TTC28: variants seen among roughly 807,000 people sequenced by gnomAD.
TTC28 encodes tetratricopeptide repeat domain 28, also known as tetratricopeptide repeat protein 28.
In TTC28, 61 loss-of-function variants were observed where a neutral mutation model predicts 198.0. That is an observed-to-expected ratio of 0.31 (90% CI 0.25 to 0.38). The LOEUF (loss-of-function observed/expected upper bound fraction) is 0.38, where lower values mean the gene tolerates loss of function less well. Among genes scored for constraint, TTC28 ranks in the 10% least tolerant of loss-of-function variants. The pLI is 1.00. For synonymous variants in TTC28, 1,171 were observed against 1,297.8 expected (o/e 0.90, Z 2.10); for missense variants, 2,678 against 3,164.0 (o/e 0.85, Z 3.69).
At chr22:28,155,111 T>C (rs917941269) in intron 6 of TTC28, among the ~76,000 whole-genome samples, 1 of 152,218 alleles carries the variant, frequency 6.6e-6, no homozygotes, top group South Asian at 2.1e-4. Flanking sequence ...ATCTCATAGA[T>C]GTTATTAGGA....
intron 5 of TTC28, among the ~76,000 whole-genome samples, chr22:28,184,703 T>C (rs939414781): frequency 6.6e-6 from 1 of 152,158 alleles, no homozygotes; most frequent in Admixed American, 6.5e-5. Flanking sequence ...TAATTACAAG[T>C]ATGATCAAAT....
intron 2 of TTC28, among the ~76,000 whole-genome samples, chr22:28,396,671 A>T (rs1347742803): frequency 6.6e-6 from 1 of 152,196 alleles, no homozygotes; most frequent in Non-Finnish European, 1.5e-5. Context: ...ATGCCAAGTA[A>T]ATGCTGTTTT....
In TTC28 at chr22:27,980,880, G is replaced by A. The variant is rs982368810; in HGVS notation, c.*1341C>T. 10 of 152,266 alleles carry A rather than the reference G, an allele frequency of 6.6e-5. No individual in the cohort carries two copies. Among genetic ancestry groups the A allele is most frequent in the African/African-American group, 2.2e-4 (9 of 41,460 alleles). 9.4% of individuals were successfully genotyped at this position (152,266 alleles called of 1,614,324 possible). On this transcript the variant is annotated 3_prime_UTR_variant, in exon 23 of 23. Transcript: ENST00000397906. ...AGTTACCGTCAGAGCTGTAGGAGAA[G>A]TCCACCTCCACTTTTTAAGATACAT...
chr22:28,585,011 AAAG>A (rs567386615), intron 2 of TTC28, among the ~76,000 whole-genome samples: 39 of 152,314 alleles, frequency 2.6e-4, no homozygotes, highest in South Asian at 1.2e-3. Context: ...CTGAAGAAAG[AAAG>A]AAAGGAAGTG....
At chr22:28,162,145 T>C (rs912917155) in intron 6 of TTC28, among the ~76,000 whole-genome samples, 1 of 152,240 alleles carries the variant, frequency 6.6e-6, no homozygotes, top group East Asian at 1.9e-4. Context: ...TAAGATAATA[T>C]CTTCTAAAAA....
intron 2 of TTC28, among the ~76,000 whole-genome samples, chr22:28,561,130 G>C (rs1394816306): frequency 7.4e-6 from 1 of 134,732 alleles, no homozygotes; most frequent in Non-Finnish European, 1.5e-5. Context: ...CTGGAGTGCA[G>C]TGGCGCAATC....
At chr22:28,371,581 C>CA (rs147727536) in intron 2 of TTC28, among the ~76,000 whole-genome samples, 9 of 32,720 alleles carry the variant, frequency 2.8e-4, no homozygotes, top group African/African-American at 5.9e-4. Flanking sequence ...TCATCTTAAC[C>CA]AAAAAAAAAA....
At chr22:28,406,888 T>C (rs2047005183) in intron 2 of TTC28, among the ~76,000 whole-genome samples, 1 of 152,194 alleles carries the variant, frequency 6.6e-6, no homozygotes, top group Admixed American at 6.5e-5. Context: ...AGCTTTAAAA[T>C]TTTGGAAAGG....
At chr22:28,037,245 G>T (rs1939398442) in intron 12 of TTC28, among the ~76,000 whole-genome samples, 1 of 152,114 alleles carries the variant, frequency 6.6e-6, no homozygotes. Context: ...TATCCCTGAC[G>T]ACCATCGACG....
At chr22:28,423,102 T>A (rs1487754528) in intron 2 of TTC28, among the ~76,000 whole-genome samples, 2 of 152,086 alleles carry the variant, frequency 1.3e-5, no homozygotes, top group African/African-American at 4.8e-5. Flanking sequence ...CTCTGGACAA[T>A]TCTAAATCCC....
At chr22:28,243,240 G>A (rs1929817306) in intron 5 of TTC28, among the ~76,000 whole-genome samples, 2 of 135,390 alleles carry the variant, frequency 1.5e-5, no homozygotes, top group Non-Finnish European at 3.1e-5. Context: ...TCACACACCT[G>A]TAGTCTCAAC....
intron 9 of TTC28, among the ~76,000 whole-genome samples, chr22:28,100,506 C>T (rs367910272): frequency 1.3e-5 from 2 of 152,202 alleles, no homozygotes; most frequent in African/African-American, 2.4e-5. Context: ...CAGTAAAACA[C>T]CCTAACATTC....
intron 2 of TTC28, among the ~76,000 whole-genome samples, chr22:28,619,595 T>C (rs950244136): frequency 1.3e-5 from 2 of 152,162 alleles, no homozygotes; most frequent in African/African-American, 4.8e-5. Flanking sequence ...TAGTAAGAAA[T>C]ACAAAGTGTC....
chr22:28,189,676 A>G (rs1924547738), intron 5 of TTC28, among the ~76,000 whole-genome samples: 3 of 152,174 alleles, frequency 2.0e-5, no homozygotes, highest in Admixed American at 2.0e-4. Flanking sequence ...CAGTAACTGA[A>G]AGGTAAAAGA....
intron 5 of TTC28, among the ~76,000 whole-genome samples, chr22:28,223,139 G>C (rs943746454): frequency 6.6e-6 from 1 of 152,122 alleles, no homozygotes; most frequent in African/African-American, 2.4e-5. Context: ...CATGGAGAGG[G>C]GCGGCCAGAG....
chr22:28,390,207 A>C (rs1169363832), intron 2 of TTC28, among the ~76,000 whole-genome samples: 1 of 152,006 alleles, frequency 6.6e-6, no homozygotes, highest in African/African-American at 2.4e-5. Flanking sequence ...GGTCTGAGAG[A>C]TAGTTTGTTA....
rs1445278765 is a variant in TTC28, at chr22:27,985,286, A to G, written c.5778T>C (p.Thr1926=). ...LKTGKQANRR[T]VHFALQSLLS... ...GCAGGGACTGGAGCGCGAAGTGCAC[A>G]GTCCGTCGATTAGCTTGCTTCCCGG... The change falls in exon 22 of 23, where the codon ACT becomes ACC. Residue 1926 remains threonine, a synonymous_variant. Transcript: ENST00000397906. 6.4e-7 allele frequency: 1 copy of G among 1,551,606 alleles called. No homozygotes were observed. The highest frequency in any genetic ancestry group is 1.2e-5 in the South Asian group (1 of 84,034).
chr22:28,307,784 C>A (rs141643531), intron 2 of TTC28, among the ~76,000 whole-genome samples: 58 of 152,278 alleles, frequency 3.8e-4, no homozygotes, highest in African/African-American at 1.3e-3. Context: ...CTGTTTATAA[C>A]ACAAACTTAT....
chr22:27,998,928 G>C lies in TTC28; in HGVS notation c.4731C>G (p.Tyr1577Ter). ...ASSKSSFGHPYTIPESLRVQD... is the reference protein window; with the variant it reads ...ASSKSSFGHP ...GCACCCGCAAGGACTCAGGGATCGT[G>C]TAGGGGTGGCCGAAGGAGCTCTTGC... The change falls in exon 16 of 23, where the codon TAC becomes TAG. Residue 1577 changes from tyrosine (Y) to a stop codon, truncating the protein, a stop_gained. Coordinates refer to ENST00000397906, the MANE Select transcript of TTC28 (RefSeq NM_001145418.2). LOFTEE classifies it high-confidence loss of function. 6.4e-7 allele frequency: 1 copy of C among 1,550,838 alleles called. No homozygotes were observed. Among genetic ancestry groups the C allele is most frequent in the Non-Finnish European group, 8.7e-7 (1 of 1,146,998 alleles).
Sources: allele counts gnomAD v4.1 joint callset (sites outside exome capture counted in the v4.1 genomes callset), GRCh38; gene constraint gnomAD v4.1.1; transcripts MANE v1.5; gene names NCBI Gene and HGNC (gene_info 2026-07-23, HGNC 2026-07-21).